Variants in ITGB6 observed in about 807,000 individuals in gnomAD.
ITGB6 encodes the protein integrin beta-6.
In ITGB6, 80 loss-of-function variants were observed where a neutral mutation model predicts 84.5. The ratio of observed to expected loss-of-function variants is 0.95; its 90% CI spans 0.79 to 1.14. ITGB6 has a LOEUF of 1.14. Ranked by LOEUF, ITGB6 falls within the 50% of genes most tolerant of loss-of-function variation. ITGB6 has a pLI of 0.00. For missense variants in ITGB6, 1,006 were observed against 968.0 expected (o/e 1.04, Z -0.52); for synonymous variants, 383 against 354.9 (o/e 1.08, Z -0.89).
At chr2:160,176,657 A>G (rs1685430399) in intron 4 of ITGB6, among the ~76,000 whole-genome samples, 1 of 152,206 alleles carries the variant, frequency 6.6e-6, no homozygotes, top group Non-Finnish European at 1.5e-5. Context: ...AATAAATATG[A>G]TTGTCATTTC....
intron 10 of ITGB6, among the ~76,000 whole-genome samples, chr2:160,137,080 A>G (rs1490221881): frequency 6.6e-6 from 1 of 150,752 alleles, no homozygotes; most frequent in Non-Finnish European, 1.5e-5. Flanking sequence ...AAAAAAGAAA[A>G]GGTCAGTCAG....
At chr2:160,185,959 TA>T (rs2105886617) in intron 4 of ITGB6, among the ~76,000 whole-genome samples, 1 of 152,030 alleles carries the variant, frequency 6.6e-6, no homozygotes, top group African/African-American at 2.4e-5. Context: ...ACACCTTATA[TA>T]AAAATTAACT....
At chr2:160,131,113 G>A (rs1406024974) in intron 10 of ITGB6, among the ~76,000 whole-genome samples, 1 of 152,160 alleles carries the variant, frequency 6.6e-6, no homozygotes, top group Non-Finnish European at 1.5e-5. Flanking sequence ...TTGGTTTCAT[G>A]GAGGGACAAG....
At chr2:160,177,488 G>A (rs1164093672) in intron 4 of ITGB6, among the ~76,000 whole-genome samples, 1 of 151,646 alleles carries the variant, frequency 6.6e-6, no homozygotes, top group African/African-American at 2.4e-5. Flanking sequence ...GGAGAATGGC[G>A]TGAACCCGGG....
chr2:160,181,378 C>T (rs529667691), intron 4 of ITGB6, among the ~76,000 whole-genome samples: 13 of 152,180 alleles, frequency 8.5e-5, no homozygotes, highest in Non-Finnish European at 1.8e-4. Context: ...CCAGGAAGTT[C>T]GAATTCGGCA....
chr2:160,188,547 G>C (rs1395842450), intron 4 of ITGB6, among the ~76,000 whole-genome samples: 2 of 151,758 alleles, frequency 1.3e-5, no homozygotes, highest in Non-Finnish European at 2.9e-5. Flanking sequence ...CTTATTTATT[G>C]AGAACATATC....
At chr2:160,194,546 C>T (rs1485670698) in intron 4 of ITGB6, among the ~76,000 whole-genome samples, 2 of 152,096 alleles carry the variant, frequency 1.3e-5, no homozygotes, top group African/African-American at 2.4e-5. Context: ...GAGCCTCTTA[C>T]TTCCTCTGAG....
At chr2:160,189,668 C>T (rs1222708378) in intron 4 of ITGB6, among the ~76,000 whole-genome samples, 1 of 151,986 alleles carries the variant, frequency 6.6e-6, no homozygotes, top group African/African-American at 2.4e-5. Flanking sequence ...CATCTCACAC[C>T]AGTTAGAATG....
intron 14 of ITGB6, among the ~76,000 whole-genome samples, chr2:160,102,327 G>A (rs1696752438): frequency 6.6e-6 from 1 of 152,226 alleles, no homozygotes; most frequent in Non-Finnish European, 1.5e-5. Context: ...CATCAAAGAA[G>A]GGCACAAATA....
chr2:160,174,605 C>T (rs1487561747), intron 4 of ITGB6, among the ~76,000 whole-genome samples: 2 of 152,170 alleles, frequency 1.3e-5, no homozygotes, highest in East Asian at 3.9e-4. Context: ...GGTCTGCCTG[C>T]CAAGGGCCCA....
chr2:160,147,184 G>A (rs1254760882), intron 7 of ITGB6, among the ~76,000 whole-genome samples: 3 of 151,578 alleles, frequency 2.0e-5, no homozygotes, highest in African/African-American at 4.8e-5. Context: ...AAAGAAAGAA[G>A]AAAGAAAAGA....
chr2:160,180,144 A>G (rs1458113457), intron 4 of ITGB6, among the ~76,000 whole-genome samples: 1 of 151,648 alleles, frequency 6.6e-6, no homozygotes, highest in African/African-American at 2.4e-5. Flanking sequence ...AAAAAAAACA[A>G]CCTTCAGAAT....
intron 12 of ITGB6, among the ~76,000 whole-genome samples, chr2:160,120,800 C>T (rs1682999562): frequency 6.8e-6 from 1 of 146,226 alleles, no homozygotes. Flanking sequence ...TCTCAGCAAA[C>T]TATCGCAAGG....
intron 7 of ITGB6, among the ~76,000 whole-genome samples, chr2:160,149,069 T>C (rs576430770): frequency 3.5e-4 from 54 of 152,382 alleles, no homozygotes; most frequent in African/African-American, 1.1e-3. Flanking sequence ...TAAACGTCCC[T>C]GTCTGACAGC....
rs1374269767 is a variant in ITGB6, at chr2:160,100,318, A to G, written c.*1418T>C. 1 of 152,268 alleles carries G rather than the reference A, an allele frequency of 6.6e-6. No homozygotes were observed. Among genetic ancestry groups the G allele is most frequent in the African/African-American group, 2.4e-5 (1 of 41,478 alleles). The allele number at this position is 152,268 out of a possible 1,614,324, so 9.4% of individuals were successfully genotyped here. Reference sequence around the variant, plus strand: ...TAATCAAAGGTAATAAACATTGCACAAAAGTACAATATCTCATCTATATGC... The same window carrying G: ...TAATCAAAGGTAATAAACATTGCACGAAAGTACAATATCTCATCTATATGC... On this transcript the variant is annotated 3_prime_UTR_variant, in exon 15 of 15. Coordinates refer to ENST00000283249, the MANE Select transcript of ITGB6 (RefSeq NM_000888.5).
intron 7 of ITGB6, among the ~76,000 whole-genome samples, chr2:160,155,144 C>A (rs1033891434): frequency 3.3e-5 from 5 of 152,182 alleles, no homozygotes; most frequent in African/African-American, 1.2e-4. Context: ...AACTCTGAGT[C>A]AATTAAACCT....
At chr2:160,118,395 C>T (rs180904601) in intron 12 of ITGB6, among the ~76,000 whole-genome samples, 1,608 of 152,212 alleles carry the variant, frequency 0.011, 9 homozygotes, top group South Asian at 0.016. Flanking sequence ...AGCATATAAA[C>T]GGAACCAAAG....
chr2:160,134,630 G>C (rs569583904), intron 10 of ITGB6, among the ~76,000 whole-genome samples: 11 of 152,320 alleles, frequency 7.2e-5, no homozygotes, highest in Non-Finnish European at 1.6e-4. Flanking sequence ...GAATATCCCT[G>C]ATGAACATCG....
intron 7 of ITGB6, among the ~76,000 whole-genome samples, chr2:160,154,949 G>C (rs1306141018): frequency 2.0e-5 from 3 of 152,244 alleles, no homozygotes; most frequent in Non-Finnish European, 1.5e-5. Flanking sequence ...TGGATCATGG[G>C]GTGAAGTTTC....
Sources: gnomAD v4.1 joint callset for allele counts (sites outside exome capture counted in the v4.1 genomes callset) on GRCh38, gnomAD v4.1.1 for gene constraint, MANE v1.5 for transcripts, NCBI Gene and HGNC (gene_info 2026-07-23, HGNC 2026-07-21) for gene names.